The following DAB1 variants were observed in gnomAD, a reference collection of about 807,000 sequenced individuals.
The protein encoded by DAB1 is disabled homolog 1.
DAB1 carries 15 observed loss-of-function variants against 64.6 expected under a neutral mutation model. The observed-to-expected ratio is 0.23, with a 90% confidence interval of 0.16 to 0.36. The LOEUF (loss-of-function observed/expected upper bound fraction) is 0.36, where lower values mean the gene tolerates loss of function less well. Among genes scored for constraint, DAB1 ranks in the 10% least tolerant of loss-of-function variants. The probability of loss-of-function intolerance (pLI) is 1.00; values close to 1 mark genes in which losing one functional copy is unlikely to be tolerated. For synonymous variants in DAB1, 235 were observed against 251.9 expected (o/e 0.93, Z 0.64); for missense variants, 596 against 706.7 (o/e 0.84, Z 1.78).
chr1:57,954,420 C>T (rs933429985), intron 5 of DAB1, among the ~76,000 whole-genome samples: 2 of 152,142 alleles, frequency 1.3e-5, no homozygotes, highest in Admixed American at 1.3e-4. Context: ...TGGCCCACTC[C>T]TTTTGGGTGA....
At chr1:57,397,929 C>T (rs527822126) in intron 1 of DAB1, among the ~76,000 whole-genome samples, 1 of 152,318 alleles carries the variant, frequency 6.6e-6, no homozygotes, top group African/African-American at 2.4e-5. Flanking sequence ...CTCAGTCAAC[C>T]TTTCTCATGT....
rs1644548818 is a variant in DAB1 at position 58,399,114 on chromosome 1, C to T, written n.258-55711G>A. On this transcript the variant is annotated intron_variant and non_coding_transcript_variant, in intron 3 of 20. Coordinates refer to the DAB1 transcript ENST00000485760. ...ACAACCATGCAATGTCAGCATGTCA[C>T]AGTCCCATTTTACAGATAAGTCAAG... 3.3e-5 allele frequency among the ~76,000 whole-genome samples: 5 copies of T among 152,236 alleles called. No homozygotes were observed. The South Asian group carries it at 1.0e-3, about 31-fold the overall frequency.
chr1:57,404,149 A>G (rs112042585), intron 1 of DAB1, among the ~76,000 whole-genome samples: 206 of 152,354 alleles, frequency 1.4e-3, no homozygotes, highest in African/African-American at 4.6e-3. Flanking sequence ...AGGGTATATT[A>G]TGATACAGGC....
intron 1 of DAB1, among the ~76,000 whole-genome samples, chr1:57,329,327 GTCC>G (rs1471719740): frequency 6.6e-6 from 1 of 152,122 alleles, no homozygotes; most frequent in Non-Finnish European, 1.5e-5. Context: ...TCCGTACTGT[GTCC>G]CATGACATGA....
intron 6 of DAB1, among the ~76,000 whole-genome samples, chr1:57,670,711 A>T (rs1176022649): frequency 6.6e-6 from 1 of 152,188 alleles, no homozygotes; most frequent in Non-Finnish European, 1.5e-5. Context: ...AGTGAATACA[A>T]GGAAGAATGG....
chr1:58,503,811 C>A (rs1350244374), intron 3 of DAB1, among the ~76,000 whole-genome samples: 4 of 152,132 alleles, frequency 2.6e-5, no homozygotes, highest in African/African-American at 9.7e-5. Flanking sequence ...ATAAGCCACC[C>A]AGTCTATGGT....
chr1:57,099,919 G>T (rs886361717), intron 4 of DAB1, among the ~76,000 whole-genome samples: 2 of 152,188 alleles, frequency 1.3e-5, no homozygotes, highest in African/African-American at 4.8e-5. Context: ...TTAACTGGGG[G>T]TCTAAGAACT....
At chr1:57,736,916 A>G (rs1326776629) in intron 6 of DAB1, among the ~76,000 whole-genome samples, 2 of 152,238 alleles carry the variant, frequency 1.3e-5, no homozygotes, top group Non-Finnish European at 2.9e-5. Context: ...TTTAAGGAAG[A>G]GACAACCTAG....
chr1:57,843,146 T>C (rs1219350704), intron 1 of DAB1, among the ~76,000 whole-genome samples: 1 of 152,196 alleles, frequency 6.6e-6, no homozygotes, highest in East Asian at 1.9e-4. Flanking sequence ...TTTTGCACCA[T>C]CATAAAGTCT....
At chr1:57,204,518 G>C (rs892357384) in intron 2 of DAB1, among the ~76,000 whole-genome samples, 3 of 150,760 alleles carry the variant, frequency 2.0e-5, no homozygotes, top group Admixed American at 6.6e-5. Context: ...TGGTCTATCA[G>C]ATTAGCTCTC....
At chr1:57,650,361 TG>T (rs1319732755) in intron 6 of DAB1, among the ~76,000 whole-genome samples, 1 of 152,146 alleles carries the variant, frequency 6.6e-6, no homozygotes, top group African/African-American at 2.4e-5. Flanking sequence ...CCAGGCTGGC[TG>T]GGTTCCTTCT....
intron 4 of DAB1, among the ~76,000 whole-genome samples, chr1:57,094,259 A>T (rs569403102): frequency 6.6e-6 from 1 of 152,232 alleles, no homozygotes; most frequent in East Asian, 1.9e-4. Context: ...GCTACCAGCC[A>T]GGCACATAGC....
chr1:57,702,645 T>A (rs772658179), intron 6 of DAB1, among the ~76,000 whole-genome samples: 2 of 152,222 alleles, frequency 1.3e-5, no homozygotes, highest in Non-Finnish European at 2.9e-5. Flanking sequence ...TTTAGTCATT[T>A]CGGTATCATC....
intron 2 of DAB1, among the ~76,000 whole-genome samples, chr1:57,176,895 A>C (rs1662375135): frequency 6.6e-6 from 1 of 151,628 alleles, no homozygotes; most frequent in Admixed American, 6.6e-5. Flanking sequence ...AATGCCACCC[A>C]AAAAAGAACA....
intron 4 of DAB1, among the ~76,000 whole-genome samples, chr1:57,085,952 G>T (rs1172714533): frequency 6.6e-6 from 1 of 152,148 alleles, no homozygotes; most frequent in African/African-American, 2.4e-5. Context: ...TGGGGATCAA[G>T]ATGTTCTATC....
intron 2 of DAB1, among the ~76,000 whole-genome samples, chr1:57,233,359 T>G (rs11207000): frequency 3.1e-5 from 4 of 129,706 alleles, no homozygotes; most frequent in Non-Finnish European, 3.2e-5. Context: ...GCCTCCCGGG[T>G]TCACGCCATT....
intron 3 of DAB1, among the ~76,000 whole-genome samples, chr1:58,431,005 C>CTATGTG (rs1272747505): frequency 6.6e-6 from 1 of 152,160 alleles, no homozygotes; most frequent in African/African-American, 2.4e-5. Flanking sequence ...CTCTGGGGAT[C>CTATGTG]CCTGAGGTCT....
intron 5 of DAB1, among the ~76,000 whole-genome samples, chr1:57,987,948 T>A (rs534495581): frequency 6.6e-6 from 1 of 152,088 alleles, no homozygotes; most frequent in African/African-American, 2.4e-5. Flanking sequence ...GCCTGGAGCA[T>A]CTGGTGGGCA....
At chr1:58,324,914 G>A (rs932858590) in intron 4 of DAB1, among the ~76,000 whole-genome samples, 4 of 152,150 alleles carry the variant, frequency 2.6e-5, no homozygotes, top group African/African-American at 9.7e-5. Flanking sequence ...GCCAATACCC[G>A]GCACAGATGC....
Sources: gnomAD v4.1 joint callset for allele counts (sites outside exome capture counted in the v4.1 genomes callset) on GRCh38, gnomAD v4.1.1 for gene constraint, MANE v1.5 for transcripts, NCBI Gene and HGNC (gene_info 2026-07-23, HGNC 2026-07-21) for gene names.